PSMA1: variants seen among roughly 807,000 people sequenced by gnomAD.
PSMA1 encodes proteasome 20S subunit alpha 1.
Under a neutral mutation model 38.4 loss-of-function variants are expected in PSMA1, and 3 were observed. That is an observed-to-expected ratio of 0.08 (90% confidence interval 0.04 to 0.20). The LOEUF (loss-of-function observed/expected upper bound fraction) is 0.20. Among genes scored for constraint, PSMA1 ranks in the 10% least tolerant of loss-of-function variants. PSMA1 has a pLI of 1.00. For synonymous variants in PSMA1, 101 were observed against 107.1 expected (o/e 0.94, Z 0.35); for missense variants, 227 against 325.3 (o/e 0.70, Z 2.32).
rs953999424 is a variant in PSMA1, at chr11:14,553,552, T to C, written c.22-34511A>G. 3.3e-5 allele frequency among the ~76,000 whole-genome samples: 5 copies of C among 152,162 alleles called. No individual in the cohort carries two copies. The East Asian group carries it at 9.6e-4, about 29-fold the overall frequency. ...ATTTTATCATTTTAGGAATGTTAGA[T>C]AAATGAAATCATACAATATCCAACC... On this transcript the variant is annotated intron_variant, in intron 2 of 10. Coordinates refer to the PSMA1 transcript ENST00000418988.
At chr11:14,604,969 G>T (rs1411615834) in intron 2 of PSMA1, among the ~76,000 whole-genome samples, 1 of 152,136 alleles carries the variant, frequency 6.6e-6, no homozygotes, top group Non-Finnish European at 1.5e-5. Context: ...GAGCATCTAG[G>T]TTGATTCCAT....
Position 14,510,940 on chromosome 11 carries a change from C to T in PSMA1, c.556G>A (p.Glu186Lys). The T allele has an allele frequency of 6.3e-7, 1 of 1,591,396 alleles. No homozygotes were observed. Among genetic ancestry groups the T allele is most frequent in the Non-Finnish European group, 8.6e-7 (1 of 1,165,068 alleles). The change falls in exon 8 of 10, where the codon GAA becomes AAA. Residue 186 changes from glutamate to lysine, a missense_variant. Coordinates refer to ENST00000396394, the MANE Select transcript of PSMA1 (RefSeq NM_002786.4). Reference protein sequence around the residue: ...MSEFMECNLNELVKHGLRALR... With the variant: ...MSEFMECNLNKLVKHGLRALR... ...GCACGCAGACCATGTTTAACTAGTTCATTTAAATTACCTATATGTAATAAA... is the reference window on the plus strand; with the variant it reads ...GCACGCAGACCATGTTTAACTAGTTTATTTAAATTACCTATATGTAATAAA...
At chr11:14,567,635 G>A (rs1317253145) in intron 2 of PSMA1, among the ~76,000 whole-genome samples, 1 of 152,160 alleles carries the variant, frequency 6.6e-6, no homozygotes, top group Non-Finnish European at 1.5e-5. Context: ...ACAGATATGC[G>A]CAGATCCGTG....
chr11:14,609,390 C>A (rs191422117), intron 2 of PSMA1, among the ~76,000 whole-genome samples: 1 of 152,024 alleles, frequency 6.6e-6, no homozygotes, highest in Non-Finnish European at 1.5e-5. Context: ...GCTAATAAAA[C>A]AGACAAAGAT....
intron 1 of PSMA1, among the ~76,000 whole-genome samples, chr11:14,633,157 C>A (rs1458314155): frequency 1.3e-5 from 2 of 152,178 alleles, no homozygotes; most frequent in Non-Finnish European, 2.9e-5. Flanking sequence ...ATTCTCCATC[C>A]AGCTTTGTTC....
chr11:14,528,657 A>G (rs1851613876), intron 2 of PSMA1, among the ~76,000 whole-genome samples: 1 of 152,194 alleles, frequency 6.6e-6, no homozygotes, highest in African/African-American at 2.4e-5. Flanking sequence ...AAGCTAAGCC[A>G]TCATATCCCC....
chr11:14,573,279 C>T (rs945336827), intron 2 of PSMA1, among the ~76,000 whole-genome samples: 2 of 152,178 alleles, frequency 1.3e-5, no homozygotes, highest in African/African-American at 4.8e-5. Flanking sequence ...TACTGGCAAA[C>T]CGAATCCAGC....
intron 2 of PSMA1, among the ~76,000 whole-genome samples, chr11:14,539,562 C>A (rs1851747977): frequency 6.6e-6 from 1 of 152,130 alleles, no homozygotes; most frequent in Non-Finnish European, 1.5e-5. Flanking sequence ...ACAGGACCCA[C>A]GGGCCGGGTG....
intron 2 of PSMA1, among the ~76,000 whole-genome samples, chr11:14,566,264 G>A (rs899375294): frequency 1.3e-5 from 2 of 152,208 alleles, no homozygotes; most frequent in African/African-American, 4.8e-5. Flanking sequence ...GTAGAAGCAG[G>A]TGACTTCTTA....
chr11:14,578,826 G>A (rs1043535724), intron 2 of PSMA1, among the ~76,000 whole-genome samples: 3 of 152,170 alleles, frequency 2.0e-5, no homozygotes, highest in South Asian at 4.1e-4. Flanking sequence ...TAATTATCCC[G>A]GCCTTCTCCT....
chr11:14,566,405 C>T (rs1326778529), intron 2 of PSMA1, among the ~76,000 whole-genome samples: 2 of 152,094 alleles, frequency 1.3e-5, no homozygotes, highest in African/African-American at 2.4e-5. Context: ...CACAGTTGGA[C>T]ATGAGGTATT....
intron 2 of PSMA1, among the ~76,000 whole-genome samples, chr11:14,597,726 G>GT (rs886871084): frequency 5.3e-5 from 8 of 152,074 alleles, no homozygotes; most frequent in African/African-American, 1.7e-4. Flanking sequence ...CTTTTTGAAG[G>GT]TTTTTTTGTG....
At chr11:14,521,148 C>T (rs772651369), upstream of PSMA1, among the ~76,000 whole-genome samples, 740 of 27,970 alleles carry the variant, frequency 0.026, 15 homozygotes, top group Middle Eastern at 0.02. Flanking sequence ...TGACATCCAC[C>T]GGCTATTTAT....
chr11:14,582,835 A>G (rs1454518955), intron 2 of PSMA1, among the ~76,000 whole-genome samples: 1 of 152,084 alleles, frequency 6.6e-6, no homozygotes, highest in Non-Finnish European at 1.5e-5. Context: ...CCAGCCTCAT[A>G]CACTTCTTAA....
intron 8 of PSMA1, among the ~76,000 whole-genome samples, chr11:14,508,564 A>AAAAAAAAAAAAAAAAAAAAAAAAAAAC (rs1554966542): frequency 6.8e-6 from 1 of 147,992 alleles, no homozygotes; most frequent in Non-Finnish European, 1.5e-5. Context: ...TCCATCTCAA[A>AAAAAAAAAAAAAAAAAAAAAAAAAAAC]AAAAAAAAAA....
In PSMA1 at chr11:14,571,138, T is replaced by C. The variant is rs538636827; in HGVS notation, c.21+39828A>G. ...AGTGTACTGGCGAGATCGCGGATCA[T>C]GGCAAGCTCCACCTCCCAGGTTCTC... On this transcript the variant is annotated intron_variant, in intron 2 of 10. Transcript: ENST00000418988. Among the ~76,000 whole-genome samples, 13 of 152,262 alleles carry C rather than the reference T, an allele frequency of 8.5e-5. No homozygotes were observed. In the East Asian group the frequency reaches 2.3e-3, roughly 27 times the overall value.
At chr11:14,591,987 T>A (rs1852421601) in intron 2 of PSMA1, among the ~76,000 whole-genome samples, 1 of 152,006 alleles carries the variant, frequency 6.6e-6, no homozygotes, top group African/African-American at 2.4e-5. Context: ...GATCTGCAGC[T>A]TCACTCCTGA....
chr11:14,597,096 A>C (rs1056979320), intron 2 of PSMA1, among the ~76,000 whole-genome samples: 5 of 152,230 alleles, frequency 3.3e-5, no homozygotes, highest in Non-Finnish European at 7.4e-5. Context: ...GGATGAAGCC[A>C]ACTTGATCAT....
intron 2 of PSMA1, among the ~76,000 whole-genome samples, chr11:14,544,597 T>C (rs182338846): frequency 1.3e-5 from 2 of 152,260 alleles, no homozygotes; most frequent in Admixed American, 6.5e-5. Flanking sequence ...CATTAATCAT[T>C]AGGGAAATAT....
Sources: gnomAD v4.1 joint callset for allele counts (sites outside exome capture counted in the v4.1 genomes callset) on GRCh38, gnomAD v4.1.1 for gene constraint, MANE v1.5 for transcripts, NCBI Gene and HGNC (gene_info 2026-07-23, HGNC 2026-07-21) for gene names.